Variants in ASTN2 observed in about 807,000 individuals in gnomAD.
The protein encoded by ASTN2 is astrotactin-2.
Under a neutral mutation model 139.8 loss-of-function variants are expected in ASTN2, and 54 were observed. The observed-to-expected ratio is 0.39, with a 90% CI of 0.31 to 0.48. The LOEUF is 0.48. ASTN2 is among the 20% of genes least tolerant of loss of function. ASTN2 has a pLI of 0.95. For missense variants in ASTN2, 1,565 were observed against 1,725.1 expected (o/e 0.91, Z 1.64); for synonymous variants, 756 against 719.5 (o/e 1.05, Z -0.81).
chr9:116,784,493 C>T (rs978207543), intron 13 of ASTN2, among the ~76,000 whole-genome samples: 5 of 152,172 alleles, frequency 3.3e-5, no homozygotes, highest in African/African-American at 7.2e-5. Flanking sequence ...CCATCACACA[C>T]GCAATGTCCT....
intron 10 of ASTN2, among the ~76,000 whole-genome samples, chr9:116,955,835 T>C (rs1835690478): frequency 6.6e-6 from 1 of 152,208 alleles, no homozygotes; most frequent in Non-Finnish European, 1.5e-5. Flanking sequence ...CTGTGTACCA[T>C]GCACTTTCTG....
chr9:116,437,485 C>T (rs1391542532), intron 22 of ASTN2: 2 of 471,266 alleles, frequency 4.2e-6, no homozygotes, highest in Non-Finnish European at 8.8e-6. Flanking sequence ...TAGGGGTTAG[C>T]GGGTTATCAC....
At chr9:116,571,612 G>A (rs1476380362) in intron 19 of ASTN2, among the ~76,000 whole-genome samples, 1 of 152,172 alleles carries the variant, frequency 6.6e-6, no homozygotes, top group Non-Finnish European at 1.5e-5. Flanking sequence ...CACACGGTAT[G>A]TATATCTTTA....
Position 117,214,436 on chromosome 9 carries a change from C to G in ASTN2, c.937G>C (p.Glu313Gln). Residue 313 changes from glutamate to glutamine, a missense_variant, in exon 3 of 23, where the codon GAG (glutamate) becomes CAG (glutamine). By Grantham distance (29) the Glu-to-Gln change is conservative. This residue lies in a region of ASTN2 where 596 missense variants were observed against 576.8 expected (regional missense o/e 1.03). Transcript: ENST00000313400. Reference protein sequence around the residue: ...RRANHVSREDEFGSQVTHTLD... With the variant: ...RRANHVSREDQFGSQVTHTLD... The stretch of plus-strand genomic sequence containing the variant: ...GTGTGGGTCACCTGGCTGCCAAACT[C>G]GTCCTCGCGGGAGACATGGTTGGCC... The G allele has an allele frequency of 3.1e-6, 5 of 1,614,100 alleles. No homozygotes were observed. Among genetic ancestry groups the G allele is most frequent in the Non-Finnish European group, 4.2e-6 (5 of 1,179,956 alleles).
chr9:116,864,583 G>T (rs942438838), intron 10 of ASTN2, among the ~76,000 whole-genome samples: 2 of 152,114 alleles, frequency 1.3e-5, no homozygotes, highest in African/African-American at 4.8e-5. Context: ...CGAAATAAGA[G>T]ATACATTTGC....
chr9:117,343,722 T>A (rs1480872953), intron 1 of ASTN2, among the ~76,000 whole-genome samples: 1 of 152,126 alleles, frequency 6.6e-6, no homozygotes, highest in Non-Finnish European at 1.5e-5. Flanking sequence ...AGTTCCAGGA[T>A]CCCATCTCTC....
intron 11 of ASTN2, among the ~76,000 whole-genome samples, chr9:116,840,735 G>A (rs552976543): frequency 0.025 from 3,476 of 137,150 alleles, 170 homozygotes; most frequent in African/African-American, 0.091. Flanking sequence ...CTCACATCCC[G>A]GACGGGGCGG....
Position 116,863,600 on chromosome 9 carries a change from C to A in ASTN2, c.2023G>T (p.Asp675Tyr). ...GCACTTACCACACATCCCGAGGAAT[C>A]CACCTGCCGGTCAGACACACACTTG... ...NFKCVSDRQV[D>Y]SSGCVCPEEL... The change falls in exon 11 of 23, where the codon GAT becomes TAT. Residue 675 changes from aspartate (D) to tyrosine (Y), a missense_variant. Asp to Tyr is a radical substitution (Grantham distance 160, BLOSUM62 -3). Coordinates refer to ENST00000313400, the MANE Select transcript of ASTN2 (RefSeq NM_001365068.1). 2 of 1,614,132 alleles carry A rather than the reference C, an allele frequency of 1.2e-6. No homozygotes were observed. Among genetic ancestry groups the A allele is most frequent in the Non-Finnish European group, 1.7e-6 (2 of 1,180,000 alleles).
At chr9:117,095,605 T>C (rs1268209355) in intron 5 of ASTN2, among the ~76,000 whole-genome samples, 2 of 152,200 alleles carry the variant, frequency 1.3e-5, no homozygotes, top group African/African-American at 4.8e-5. Flanking sequence ...TCTGAGTATG[T>C]TTCCCTTCAC....
At chr9:116,428,083 A>G (rs755873922) in intron 22 of ASTN2, among the ~76,000 whole-genome samples, 1 of 152,258 alleles carries the variant, frequency 6.6e-6, no homozygotes, top group Admixed American at 6.5e-5. Context: ...AATACGAATG[A>G]CAAAAGCAAT....
chr9:117,190,390 G>A (rs367931876), intron 3 of ASTN2, among the ~76,000 whole-genome samples: 18 of 152,120 alleles, frequency 1.2e-4, no homozygotes, highest in East Asian at 9.6e-4. Flanking sequence ...CTCTGCTCTC[G>A]TTAGTATCCT....
chr9:117,070,173 C>T (rs941561396), intron 5 of ASTN2, among the ~76,000 whole-genome samples: 11 of 128,232 alleles, frequency 8.6e-5, no homozygotes, highest in Non-Finnish European at 1.6e-4. Context: ...GTGTTTAGTG[C>T]TTCCTTCAGG....
Position 116,687,095 on chromosome 9 carries a change from C to T in ASTN2, c.2807-35302G>A, listed in dbSNP as rs377026732. On this transcript the variant is annotated intron_variant, in intron 16 of 22. Transcript: ENST00000313400. ...TGAACTTGAGCAGGTCCCTTTCGCC[C>T]ATGGGCGTCGGTTTCTTCATCTGCA... The T allele has an allele frequency of 8.5e-6, 10 of 1,176,990 alleles. No homozygotes were observed. In the African/African-American group the frequency reaches 1.4e-4, roughly 17 times the overall value. 72.9% of individuals were successfully genotyped at this position (1,176,990 alleles called of 1,614,324 possible). A position where few individuals can be genotyped will look rare whatever the true frequency, so the allele number is the denominator to read the frequency against.
rs550413222 is a variant in ASTN2 at position 117,274,766 on chromosome 9, A to G, written c.630+16560T>C. Among the ~76,000 whole-genome samples the G allele has an allele frequency of 2.0e-5, 3 of 152,334 alleles. No homozygotes were observed. The East Asian group carries it at 5.8e-4, about 29-fold the overall frequency. ...TAGACAACTATTTCCAGGTCATACA[A>G]GTAGTAGGCCAAGAAATGGTCTTCA... On this transcript the variant is annotated intron_variant, in intron 2 of 22. Coordinates refer to ENST00000313400, the MANE Select transcript of ASTN2 (RefSeq NM_001365068.1).
At chr9:116,970,062 CT>C (rs1305591205) in intron 10 of ASTN2, among the ~76,000 whole-genome samples, 1 of 152,194 alleles carries the variant, frequency 6.6e-6, no homozygotes, top group Non-Finnish European at 1.5e-5. Context: ...ACTCCAGTCT[CT>C]AATTCCATCT....
At chr9:116,596,516 T>C (rs931904752) in intron 19 of ASTN2, among the ~76,000 whole-genome samples, 3 of 152,196 alleles carry the variant, frequency 2.0e-5, no homozygotes, top group African/African-American at 7.2e-5. Flanking sequence ...TATGTTTGTA[T>C]CTTGCTTGTG....
At position 116,423,969 on chromosome 9, in the gene ASTN2, T is replaced by C. The variant is rs144922185; in HGVS notation, c.*1882A>G. ...TGGCTTATGTTTTATTGATATTCAG[T>C]ATCTTTTCCTCTTCTGAAACCCCAC... On this transcript the variant is annotated 3_prime_UTR_variant, in exon 23 of 23. Coordinates refer to ENST00000313400, the MANE Select transcript of ASTN2 (RefSeq NM_001365068.1). Among the ~76,000 whole-genome samples, 42 of 152,326 alleles carry C rather than the reference T, an allele frequency of 2.8e-4. No individual in the cohort carries two copies. The highest frequency in any genetic ancestry group is 9.6e-4 in the African/African-American group (40 of 41,584).
At chr9:116,738,256 T>C (rs1384796028) in intron 13 of ASTN2, among the ~76,000 whole-genome samples, 1 of 150,760 alleles carries the variant, frequency 6.6e-6, no homozygotes, top group Non-Finnish European at 1.5e-5. Context: ...ATCCCAGCAC[T>C]TTGGGAGGCT....
chr9:116,557,382 G>A (rs1010182786), intron 19 of ASTN2, among the ~76,000 whole-genome samples: 1 of 151,974 alleles, frequency 6.6e-6, no homozygotes, highest in African/African-American at 2.4e-5. Flanking sequence ...TTTGTAAAAT[G>A]GGAAGAGAGA....
Sources: allele counts gnomAD v4.1 joint callset (sites outside exome capture counted in the v4.1 genomes callset), GRCh38; gene constraint gnomAD v4.1.1; regional missense constraint gnomAD v4.1.1; transcripts MANE v1.5; gene names NCBI Gene and HGNC (gene_info 2026-07-23, HGNC 2026-07-21).